Variants in CENPW observed in about 807,000 individuals in gnomAD.
The protein encoded by CENPW is centromere protein W.
CENPW carries 3 observed loss-of-function variants against 11.1 expected under a neutral mutation model. The observed-to-expected ratio is 0.27, with a 90% CI of 0.12 to 0.70. The LOEUF (loss-of-function observed/expected upper bound fraction) is 0.70, where lower values mean the gene tolerates loss of function less well. Ranked by LOEUF, CENPW falls within the 30% of genes least tolerant of loss-of-function variation. The pLI, the probability that CENPW is intolerant of heterozygous loss-of-function variation, is 0.77. For missense variants in CENPW, 100 were observed against 105.6 expected, an observed-to-expected ratio of 0.95 and a Z score of 0.23; for synonymous variants, 38 against 42.0, an observed-to-expected ratio of 0.91 and a Z score of 0.37.
chr6:126,415,802 C>G, the CENPW span, among the ~76,000 whole-genome samples: 3 of 152,220 alleles, frequency 2.0e-5, no homozygotes, highest in African/African-American at 4.8e-5. Flanking sequence ...GAGGCCTCCC[C>G]AGCCATGTAG....
chr6:126,382,825 G>C, the CENPW span, among the ~76,000 whole-genome samples: 2 of 152,164 alleles, frequency 1.3e-5, no homozygotes, highest in Non-Finnish European at 2.9e-5. Flanking sequence ...GCCTCTGAAA[G>C]AGATGAAGAG....
the CENPW span, among the ~76,000 whole-genome samples, chr6:126,378,024 C>A: frequency 1.3e-5 from 2 of 152,150 alleles, no homozygotes; most frequent in Non-Finnish European, 2.9e-5. Flanking sequence ...AAGCAGGGGA[C>A]GCTCTCGCAT....
chr6:126,481,924 A>T, the CENPW span, among the ~76,000 whole-genome samples: 2 of 152,282 alleles, frequency 1.3e-5, no homozygotes, highest in East Asian at 3.9e-4. Flanking sequence ...AAAATTAGAT[A>T]ACAAATGATA....
chr6:126,450,322 A>T, the CENPW span, among the ~76,000 whole-genome samples: 1 of 151,082 alleles, frequency 6.6e-6, no homozygotes. Flanking sequence ...AAAGCTCCTG[A>T]AGTCATAATT....
the CENPW span, among the ~76,000 whole-genome samples, chr6:126,412,727 A>C: frequency 6.6e-6 from 1 of 152,082 alleles, no homozygotes; most frequent in East Asian, 1.9e-4. Context: ...TTTCCCACAC[A>C]TTTTTTGTGG....
chr6:126,409,138 C>T, the CENPW span, among the ~76,000 whole-genome samples: 4 of 151,898 alleles, frequency 2.6e-5, no homozygotes, highest in African/African-American at 4.8e-5. Context: ...TAGGTTTAGT[C>T]GTTTTAAGAA....
chr6:126,407,668 C>A, the CENPW span, among the ~76,000 whole-genome samples: 1 of 152,164 alleles, frequency 6.6e-6, no homozygotes, highest in African/African-American at 2.4e-5. Flanking sequence ...TTTTGATTTG[C>A]ATTTCCTTAA....
chr6:126,395,315 T>C, the CENPW span, among the ~76,000 whole-genome samples: 2 of 152,170 alleles, frequency 1.3e-5, no homozygotes, highest in Non-Finnish European at 2.9e-5. Flanking sequence ...AATTCTGCTA[T>C]TAAGAGACTT....
chr6:126,383,650 G>T, the CENPW span, among the ~76,000 whole-genome samples: 2 of 152,068 alleles, frequency 1.3e-5, no homozygotes, highest in East Asian at 3.9e-4. Context: ...AAAACATACC[G>T]TAAACCAACA....
chr6:126,392,980 A>T, the CENPW span, among the ~76,000 whole-genome samples: 1 of 151,758 alleles, frequency 6.6e-6, no homozygotes, highest in Non-Finnish European at 1.5e-5. Flanking sequence ...ATTTGCTATT[A>T]GTCTGCTCAG....
At chr6:126,438,402 A>G in the CENPW span, among the ~76,000 whole-genome samples, 1 of 151,708 alleles carries the variant, frequency 6.6e-6, no homozygotes, top group Non-Finnish European at 1.5e-5. Flanking sequence ...TAGAAAGGGA[A>G]TTATCTGATC....
the CENPW span, among the ~76,000 whole-genome samples, chr6:126,370,117 T>C: frequency 6.6e-6 from 1 of 152,216 alleles, no homozygotes; most frequent in Non-Finnish European, 1.5e-5. Context: ...CTCTATTCTG[T>C]TCCATTGGTC....
the CENPW span, among the ~76,000 whole-genome samples, chr6:126,458,211 T>C: frequency 1.3e-5 from 2 of 151,276 alleles, no homozygotes; most frequent in Non-Finnish European, 3.0e-5. Context: ...CATCAGCACA[T>C]GTACAGCTGA....
the CENPW span, among the ~76,000 whole-genome samples, chr6:126,450,822 G>C: frequency 6.6e-6 from 1 of 150,824 alleles, no homozygotes; most frequent in Non-Finnish European, 1.5e-5. Flanking sequence ...TAGGTAAGGA[G>C]AAAATCTTAT....
chr6:126,399,390 G>A, the CENPW span, among the ~76,000 whole-genome samples: 1 of 152,138 alleles, frequency 6.6e-6, no homozygotes, highest in Non-Finnish European at 1.5e-5. Context: ...CAAGGGCAGA[G>A]TGGATGGTAC....
At chr6:126,406,869 T>G in the CENPW span, among the ~76,000 whole-genome samples, 3 of 151,166 alleles carry the variant, frequency 2.0e-5, no homozygotes, top group Non-Finnish European at 3.0e-5. Context: ...AAAAAAAAAG[T>G]TTGATAGAAT....
the CENPW span, among the ~76,000 whole-genome samples, chr6:126,355,581 A>G: frequency 6.6e-6 from 1 of 152,086 alleles, no homozygotes; most frequent in Non-Finnish European, 1.5e-5. Context: ...TTCCTGTGTT[A>G]TACTGATATT....
chr6:126,481,460 C>T, the CENPW span, among the ~76,000 whole-genome samples: 1 of 152,052 alleles, frequency 6.6e-6, no homozygotes, highest in Non-Finnish European at 1.5e-5. Context: ...CTAGTGAAAT[C>T]CTTCTTGCTG....
the CENPW span, among the ~76,000 whole-genome samples, chr6:126,413,901 A>G: frequency 6.6e-6 from 1 of 151,942 alleles, no homozygotes; most frequent in East Asian, 1.9e-4. Flanking sequence ...AAAATGACCC[A>G]ACTATATGCT....
Sources: gnomAD v4.1 joint callset for allele counts (sites outside exome capture counted in the v4.1 genomes callset) on GRCh38, gnomAD v4.1.1 for gene constraint, MANE v1.5 for transcripts, NCBI Gene and HGNC (gene_info 2026-07-23, HGNC 2026-07-21) for gene names.